NFASC: variants seen among roughly 807,000 people sequenced by gnomAD.
NFASC encodes neurofascin, also known as neurofascin homolog.
Under a neutral mutation model 147.5 loss-of-function variants are expected in NFASC, and 43 were observed. The observed-to-expected ratio is 0.29, with a 90% CI of 0.23 to 0.38. The LOEUF is 0.38. Ranked by LOEUF, NFASC falls within the 10% of genes least tolerant of loss-of-function variation. The probability of loss-of-function intolerance (pLI) is 1.00; values close to 1 mark genes in which losing one functional copy is unlikely to be tolerated. For synonymous variants in NFASC, 622 were observed against 665.5 expected (o/e 0.93, Z 1.01); for missense variants, 1,320 against 1,689.0 (o/e 0.78, Z 3.83).
chr1:204,830,947 C>A (rs1672057792), intron 1 of NFASC, among the ~76,000 whole-genome samples: 1 of 152,162 alleles, frequency 6.6e-6, no homozygotes, highest in Non-Finnish European at 1.5e-5. Context: ...AGGGGATGTG[C>A]TGCTGGGGGC....
At chr1:204,996,113 T>C (rs1303594986) in intron 24 of NFASC, among the ~76,000 whole-genome samples, 2 of 152,080 alleles carry the variant, frequency 1.3e-5, no homozygotes, top group East Asian at 3.9e-4. Flanking sequence ...TTCCATGACC[T>C]TCTATATCAG....
chr1:204,985,791 G>A (rs528917898), intron 21 of NFASC: 3 of 672,004 alleles, frequency 4.5e-6, no homozygotes, highest in Non-Finnish European at 8.0e-6. Flanking sequence ...GGACTGATGA[G>A]GTCATTTGGG....
At chr1:204,939,087 T>C (rs547377588) in intron 2 of NFASC, among the ~76,000 whole-genome samples, 88 of 144,300 alleles carry the variant, frequency 6.1e-4, no homozygotes, top group African/African-American at 2.4e-3. Context: ...TGTGTGTGTG[T>C]AGGGGGATTG....
At chr1:204,833,889 A>T (rs1672953646) in intron 1 of NFASC, among the ~76,000 whole-genome samples, 1 of 152,196 alleles carries the variant, frequency 6.6e-6, no homozygotes, top group African/African-American at 2.4e-5. Context: ...GGGGATATTA[A>T]TATGAACCTT....
chr1:204,850,881 A>G (rs1219836584), intron 1 of NFASC, among the ~76,000 whole-genome samples: 3 of 152,148 alleles, frequency 2.0e-5, no homozygotes, highest in Non-Finnish European at 4.4e-5. Flanking sequence ...TTCTTAGTCT[A>G]TTGTTTATTT....
intron 1 of NFASC, among the ~76,000 whole-genome samples, chr1:204,885,843 G>A (rs961137952): frequency 6.6e-6 from 1 of 152,196 alleles, no homozygotes; most frequent in Non-Finnish European, 1.5e-5. Context: ...CGAAGGGTGA[G>A]TTCTTGTTCC....
chr1:204,842,111 A>G (rs1424159590), intron 1 of NFASC, among the ~76,000 whole-genome samples: 1 of 152,236 alleles, frequency 6.6e-6, no homozygotes, highest in Non-Finnish European at 1.5e-5. Context: ...AGAGAACAAT[A>G]TATAGCTTAC....
chr1:204,973,416 C>A lies in NFASC; in HGVS notation c.1276C>A (p.Leu426Met). 6.2e-7 allele frequency: 1 copy of A among 1,614,158 alleles called. No individual in the cohort carries two copies. The highest frequency in any genetic ancestry group is 8.5e-7 in the Non-Finnish European group (1 of 1,179,994). The change falls in exon 12 of 30, where the codon CTG (leucine) becomes ATG (methionine). Residue 426 changes from leucine (L) to methionine (M), a missense_variant. Leu to Met is a conservative substitution (Grantham distance 15). Transcript: ENST00000339876. Reference protein sequence around the residue: ...YLLANAFVSVLDVPPRMLSPR... With the variant: ...YLLANAFVSVMDVPPRMLSPR... The stretch of plus-strand genomic sequence containing the variant: ...GCTGGCCAACGCCTTTGTCAGTGTG[C>A]TGGGTGAGTGTGCCCTTCGCAGCCT...
At chr1:204,893,922 A>G (rs2082895004) in intron 1 of NFASC, among the ~76,000 whole-genome samples, 1 of 152,250 alleles carries the variant, frequency 6.6e-6, no homozygotes, top group African/African-American at 2.4e-5. Context: ...CAACGCCCAG[A>G]TAGCAGAGGC....
At chr1:204,841,940 A>G (rs964231112) in intron 1 of NFASC, among the ~76,000 whole-genome samples, 2 of 152,180 alleles carry the variant, frequency 1.3e-5, no homozygotes, top group Non-Finnish European at 2.9e-5. Flanking sequence ...CACCCTAGCT[A>G]AGCTCTTCAG....
intron 1 of NFASC, among the ~76,000 whole-genome samples, chr1:204,902,645 G>T (rs542330703): frequency 1.3e-5 from 2 of 152,314 alleles, no homozygotes; most frequent in East Asian, 3.9e-4. Context: ...TGTGGATGAA[G>T]TGTGATTGCC....
At chr1:204,925,328 G>A (rs1271926958) in intron 2 of NFASC, among the ~76,000 whole-genome samples, 3 of 152,118 alleles carry the variant, frequency 2.0e-5, no homozygotes, top group Non-Finnish European at 4.4e-5. Context: ...AATAAACCGC[G>A]GAAGACCATG....
intron 4 of NFASC, among the ~76,000 whole-genome samples, chr1:204,951,074 G>T (rs892519778): frequency 6.6e-6 from 1 of 151,686 alleles, no homozygotes; most frequent in Non-Finnish European, 1.5e-5. Flanking sequence ...TGCACTGTAT[G>T]TTGTGCTAGG....
rs1009180529 is a variant in NFASC, at chr1:204,975,212, C to T, written c.1559-59C>T. On this transcript the variant is annotated intron_variant, in intron 14 of 29. Coordinates refer to ENST00000339876, the MANE Select transcript of NFASC (RefSeq NM_001005388.3). This position sits in a 1 kb window ranked among gnomAD's most constrained non-coding sequence, Gnocchi z 4.0. ...GGGCAGACATATGCCACTTTGTGGCCGCATGGGGATGCTGGGCAGAGAACA... is the reference window on the plus strand; with the variant it reads ...GGGCAGACATATGCCACTTTGTGGCTGCATGGGGATGCTGGGCAGAGAACA... 1.9e-5 allele frequency: 30 copies of T among 1,546,182 alleles called. No homozygotes were observed. The East Asian group carries it at 2.0e-4, about 11-fold the overall frequency.
chr1:204,971,534 GA>G (rs1448116058), intron 11 of NFASC, among the ~76,000 whole-genome samples: 6 of 152,236 alleles, frequency 3.9e-5, no homozygotes, highest in African/African-American at 7.2e-5. Flanking sequence ...AGCAGGTGGA[GA>G]GGGGGGGACA....
intron 2 of NFASC, among the ~76,000 whole-genome samples, chr1:204,930,269 AT>A (rs909157316): frequency 5.3e-4 from 80 of 152,124 alleles, no homozygotes; most frequent in African/African-American, 1.8e-3. Context: ...GCAGGGGGAG[AT>A]TTGAGAAAGA....
At chr1:205,008,181 T>G (rs930633461) in intron 27 of NFASC, among the ~76,000 whole-genome samples, 1 of 152,078 alleles carries the variant, frequency 6.6e-6, no homozygotes, top group African/African-American at 2.4e-5. Context: ...CACCCCGTAC[T>G]GGGAACTTTC....
intron 1 of NFASC, among the ~76,000 whole-genome samples, chr1:204,864,097 C>G (rs1270706648): frequency 6.6e-6 from 1 of 152,200 alleles, no homozygotes; most frequent in Non-Finnish European, 1.5e-5. Flanking sequence ...CATTACATTA[C>G]ATATATTTCA....
At chr1:204,964,949 G>A (rs2094869029) in intron 8 of NFASC, among the ~76,000 whole-genome samples, 1 of 152,192 alleles carries the variant, frequency 6.6e-6, no homozygotes, top group African/African-American at 2.4e-5. Flanking sequence ...CAACATGGTT[G>A]AGGCATTGTC....
Sources: gnomAD v4.1 joint callset for allele counts (sites outside exome capture counted in the v4.1 genomes callset) on GRCh38, gnomAD v4.1.1 for gene constraint, Gnocchi (gnomAD v3.1) non-coding constraint, MANE v1.5 for transcripts, NCBI Gene and HGNC (gene_info 2026-07-23, HGNC 2026-07-21) for gene names.